UNC79: variants seen among roughly 807,000 people sequenced by gnomAD.
UNC79 encodes protein unc-79 homolog.
UNC79 carries 37 observed loss-of-function variants against 283.1 expected under a neutral mutation model. The ratio of observed to expected loss-of-function variants is 0.13; its 90% CI spans 0.10 to 0.17. The LOEUF is 0.17. Ranked by LOEUF, UNC79 falls within the 10% of genes least tolerant of loss-of-function variation. The pLI is 1.00. For synonymous variants in UNC79, 1,107 were observed against 1,200.2 expected, an observed-to-expected ratio of 0.92 and a Z score of 1.61; for missense variants, 2,272 against 3,211.1, an observed-to-expected ratio of 0.71 and a Z score of 7.07.
chr14:93,474,958 C>T lies in UNC79; in HGVS notation c.448+565C>T, dbSNP rs2759671. Among the ~76,000 whole-genome samples the T allele has an allele frequency of 0.18, 27,883 of 152,028 alleles. 3,173 individuals carry two copies. The highest frequency in any genetic ancestry group is 0.31 in the East Asian group (1,619 of 5,172). On this transcript the variant is annotated intron_variant, in intron 3 of 48. Transcript: ENST00000555664. This position sits in a 1 kb window ranked among gnomAD's most constrained non-coding sequence, Gnocchi z 4.1. ...AAAATGTAGATATAGTATATAGTGGCGCTGTATGCTGTATTCAGCATATGG... is the reference window on the plus strand; with the variant it reads ...AAAATGTAGATATAGTATATAGTGGTGCTGTATGCTGTATTCAGCATATGG...
intron 1 of UNC79, among the ~76,000 whole-genome samples, chr14:93,341,345 T>C (rs1401011428): frequency 6.6e-6 from 1 of 151,950 alleles, no homozygotes; most frequent in Non-Finnish European, 1.5e-5. Flanking sequence ...TAATCCCAGC[T>C]ACTCAGGCGG....
chr14:93,586,750 T>C lies in UNC79; in HGVS notation c.2884-10T>C. On this transcript the variant is annotated splice_polypyrimidine_tract_variant and intron_variant, in intron 21 of 48. Transcript: ENST00000555664. ...TGGATAACTTAGTAACCATGTGGTT[T>C]TTTGTATAGGAAATGGCTAAGTTTG... 6.2e-7 allele frequency: 1 copy of C among 1,613,510 alleles called. No homozygotes were observed. Among genetic ancestry groups the C allele is most frequent in the Non-Finnish European group, 8.5e-7 (1 of 1,179,814 alleles).
At position 93,706,588 on chromosome 14, in the gene UNC79, G is replaced by A. The variant is rs561814079; in HGVS notation, c.7591-116G>A. 5.3e-4 allele frequency: 644 copies of A among 1,206,206 alleles called. 8 individuals are homozygous for A. The South Asian group carries it at 8.3e-3, about 16-fold the overall frequency. The allele number at this position is 1,206,206 out of a possible 1,614,324, so 74.7% of individuals were successfully genotyped here. On this transcript the variant is annotated intron_variant, in intron 48 of 48. Transcript: ENST00000555664. ...AGAGTAGAGAGTTTGCCTTCTTCAG[G>A]CCAGACAACCCTTGAGCCAAGCCTA...
intron 1 of UNC79, among the ~76,000 whole-genome samples, chr14:93,380,419 C>T (rs1478228615): frequency 6.6e-6 from 1 of 152,176 alleles, no homozygotes; most frequent in Non-Finnish European, 1.5e-5. Flanking sequence ...CTCCACTCCC[C>T]TCCCACATCC....
intron 40 of UNC79, among the ~76,000 whole-genome samples, chr14:93,666,697 G>T (rs2072236624): frequency 6.6e-6 from 1 of 152,074 alleles, no homozygotes; most frequent in Non-Finnish European, 1.5e-5. Flanking sequence ...GATAGATCAA[G>T]CAGATAAAAC....
chr14:93,526,765 T>C (rs1011496362), intron 8 of UNC79, among the ~76,000 whole-genome samples: 1 of 152,190 alleles, frequency 6.6e-6, no homozygotes, highest in Non-Finnish European at 1.5e-5. Context: ...TCTCTAATGA[T>C]TATTTATAGT....
chr14:93,545,424 T>C (rs1026130298), intron 14 of UNC79, among the ~76,000 whole-genome samples: 6 of 152,244 alleles, frequency 3.9e-5, no homozygotes, highest in African/African-American at 7.2e-5. Context: ...GGTTTCTTGA[T>C]GCTAGAAGTC....
intron 1 of UNC79, among the ~76,000 whole-genome samples, chr14:93,417,842 G>A (rs2055497657): frequency 1.3e-5 from 2 of 151,530 alleles, no homozygotes; most frequent in African/African-American, 4.8e-5. Flanking sequence ...CATTCTTCAC[G>A]TAGTTCTCGA....
At chr14:93,679,790 G>C (rs1428282978) in intron 41 of UNC79, among the ~76,000 whole-genome samples, 1 of 152,170 alleles carries the variant, frequency 6.6e-6, no homozygotes, top group Non-Finnish European at 1.5e-5. Context: ...TTGTATTCAT[G>C]GGGGAATGCA....
intron 48 of UNC79, 31 bp from the exon 52 acceptor site, chr14:93,706,673 T>C: frequency 3.1e-6 from 5 of 1,611,884 alleles, no homozygotes; most frequent in Non-Finnish European, 4.2e-6. Context: ...TGAAAAGAAA[T>C]AAACTAAAAC....
At chr14:93,620,030 T>C (rs1463782123) in intron 29 of UNC79, among the ~76,000 whole-genome samples, 1 of 152,152 alleles carries the variant, frequency 6.6e-6, no homozygotes, top group Non-Finnish European at 1.5e-5. Context: ...TATTTTGGGG[T>C]TTATCTTGGA....
chr14:93,469,601 A>G (rs2057395853), intron 2 of UNC79, among the ~76,000 whole-genome samples: 1 of 152,126 alleles, frequency 6.6e-6, no homozygotes, highest in African/African-American at 2.4e-5. Flanking sequence ...TCTTTTCAGA[A>G]TTTAAGTGAA....
At chr14:93,579,519 C>G (rs1181817344) in intron 18 of UNC79, among the ~76,000 whole-genome samples, 1 of 152,128 alleles carries the variant, frequency 6.6e-6, no homozygotes, top group African/African-American at 2.4e-5. Flanking sequence ...TCTACTCATC[C>G]CGCAGTGCCC....
intron 1 of UNC79, among the ~76,000 whole-genome samples, chr14:93,405,484 A>T (rs376437173): frequency 1.3e-5 from 2 of 152,210 alleles, no homozygotes; most frequent in East Asian, 3.8e-4. Context: ...AAAAATTTCT[A>T]TCCAAAGTTA....
intron 1 of UNC79, among the ~76,000 whole-genome samples, chr14:93,391,295 C>G (rs1050336366): frequency 6.6e-6 from 1 of 152,000 alleles, no homozygotes; most frequent in Non-Finnish European, 1.5e-5. Context: ...GGAAAAGAAA[C>G]TTGACTTTTA....
chr14:93,661,656 A>T (rs1300610907), intron 39 of UNC79, among the ~76,000 whole-genome samples: 1 of 152,228 alleles, frequency 6.6e-6, no homozygotes, highest in Non-Finnish European at 1.5e-5. Flanking sequence ...GCAGGAATGG[A>T]TACTAAAGCT....
chr14:93,633,859 A>G (rs1022777867), intron 31 of UNC79, among the ~76,000 whole-genome samples: 1 of 152,104 alleles, frequency 6.6e-6, no homozygotes, highest in African/African-American at 2.4e-5. Flanking sequence ...ACTAGAATAT[A>G]CTCGTGGAAT....
Position 93,474,463 on chromosome 14 carries a change from G to C in UNC79, c.448+70G>C. 1 of 1,470,958 alleles carries C rather than the reference G, an allele frequency of 6.8e-7. No homozygotes were observed. Among genetic ancestry groups the C allele is most frequent in the African/African-American group, 1.4e-5 (1 of 71,732 alleles). The allele number at this position is 1,470,958 out of a possible 1,614,324, so 91.1% of individuals were successfully genotyped here. On this transcript the variant is annotated intron_variant, in intron 3 of 48. Coordinates refer to ENST00000555664, the Ensembl canonical transcript of UNC79. This position sits in a 1 kb window ranked among gnomAD's most constrained non-coding sequence, Gnocchi z 4.1. The stretch of plus-strand genomic sequence containing the variant: ...TGAATGTATATGATGCTGAGCAAGG[G>C]GCTTGGAGATGGTCACTGTTGTAAT...
intron 1 of UNC79, among the ~76,000 whole-genome samples, chr14:93,383,087 G>C (rs2054697682): frequency 6.6e-6 from 1 of 152,124 alleles, no homozygotes; most frequent in Non-Finnish European, 1.5e-5. Flanking sequence ...CTTTATGGAG[G>C]GTGTGTCATT....
Sources: allele counts gnomAD v4.1 joint callset (sites outside exome capture counted in the v4.1 genomes callset), GRCh38; gene constraint gnomAD v4.1.1; non-coding constraint Gnocchi (gnomAD v3.1); transcripts MANE v1.5; gene names NCBI Gene and HGNC (gene_info 2026-07-23, HGNC 2026-07-21).